PALD1: variants seen among roughly 807,000 people sequenced by gnomAD.
PALD1 encodes the protein paladin.
PALD1 carries 57 observed loss-of-function variants against 96.0 expected under a neutral mutation model. That is an observed-to-expected ratio of 0.59 (90% CI 0.48 to 0.74). The LOEUF (loss-of-function observed/expected upper bound fraction) is 0.74, where lower values mean the gene tolerates loss of function less well. Ranked by LOEUF, PALD1 falls within the 30% of genes least tolerant of loss-of-function variation. The pLI, the probability that PALD1 is intolerant of heterozygous loss-of-function variation, is 0.00. For synonymous variants in PALD1, 464 were observed against 473.6 expected, an observed-to-expected ratio of 0.98 and a Z score of 0.26; for missense variants, 1,063 against 1,143.7, an observed-to-expected ratio of 0.93 and a Z score of 1.02.
chr10:70,534,968 G>A, intron 10 of PALD1, 125 bp downstream of exon 10: 3 of 693,390 alleles, frequency 4.3e-6, no homozygotes, highest in Non-Finnish European at 7.8e-6. Flanking sequence ...CCCATGAGAA[G>A]AGCAGTTTTC....
chr10:70,467,358 G>A, the PALD1 span, among the ~76,000 whole-genome samples: 1 of 151,566 alleles, frequency 6.6e-6, no homozygotes, highest in Non-Finnish European at 1.5e-5. Flanking sequence ...AATATTTGAG[G>A]GGCAGTCCCC....
chr10:70,484,631 C>T (rs559395461), intron 1 of PALD1, among the ~76,000 whole-genome samples: 3 of 152,044 alleles, frequency 2.0e-5, no homozygotes, highest in Non-Finnish European at 2.9e-5. Context: ...CTCCGCCTCC[C>T]GGGTTCAAGC....
At chr10:70,490,511 T>A (rs1411725599) in intron 1 of PALD1, among the ~76,000 whole-genome samples, 1 of 152,224 alleles carries the variant, frequency 6.6e-6, no homozygotes, top group African/African-American at 2.4e-5. Flanking sequence ...TTATTCTTAC[T>A]GTAATATAAC....
At chr10:70,493,110 C>T (rs1458982114) in intron 1 of PALD1, among the ~76,000 whole-genome samples, 1 of 152,200 alleles carries the variant, frequency 6.6e-6, no homozygotes, top group Non-Finnish European at 1.5e-5. Context: ...CCGGCCCTTT[C>T]CAGCTGCCGC....
At chr10:70,493,547 T>G (rs1846133984) in intron 1 of PALD1, among the ~76,000 whole-genome samples, 1 of 152,216 alleles carries the variant, frequency 6.6e-6, no homozygotes, top group African/African-American at 2.4e-5. Context: ...CTTCTAAGAT[T>G]GCAGCTGAGG....
chr10:70,480,576 A>T (rs1161370061), intron 1 of PALD1, among the ~76,000 whole-genome samples: 3 of 152,136 alleles, frequency 2.0e-5, no homozygotes, highest in African/African-American at 7.2e-5. Context: ...GCTCTGCTGT[A>T]TCTGGGGCCC....
At chr10:70,503,278 G>A (rs1238343523) in intron 1 of PALD1, among the ~76,000 whole-genome samples, 2 of 152,072 alleles carry the variant, frequency 1.3e-5, no homozygotes. Context: ...GTTATTTTTG[G>A]TCTGTTTTAC....
At chr10:70,516,194 G>A (rs919651719) in intron 1 of PALD1, among the ~76,000 whole-genome samples, 13 of 152,076 alleles carry the variant, frequency 8.5e-5, no homozygotes, top group African/African-American at 2.2e-4. Flanking sequence ...GCAGTGGTGC[G>A]ATCTCAGCTC....
Position 70,530,087 on chromosome 10 carries a change from A to G in PALD1, c.468+19A>G, listed in dbSNP as rs767112389. The stretch of plus-strand genomic sequence containing the variant: ...ACATAGGGTAAGTATGCCACTTCCC[A>G]GGCAGAAGCCAGGTCCCCAAAGCCA... On this transcript the variant is annotated intron_variant, in intron 4 of 19. Transcript: ENST00000263563. 2 of 1,490,302 alleles carry G rather than the reference A, an allele frequency of 1.3e-6. No individual in the cohort carries two copies. The highest frequency in any genetic ancestry group is 1.8e-6 in the Non-Finnish European group (2 of 1,120,986). The allele number at this position is 1,490,302 out of a possible 1,614,324, so 92.3% of individuals were successfully genotyped here.
chr10:70,529,488 A>G (rs4746052), intron 3 of PALD1, among the ~76,000 whole-genome samples, 157 bp downstream of exon 3: 133,760 of 151,702 alleles, frequency 0.88, 59,499 homozygotes, highest in East Asian at 1. Flanking sequence ...TAGCACCGTG[A>G]TCCTCTGGTT....
At chr10:70,534,672 C>T (rs1053065399) in intron 9 of PALD1, 67 bp from the exon 10 acceptor site, 24 of 1,248,082 alleles carry the variant, frequency 1.9e-5, no homozygotes, top group African/African-American at 1.2e-4. Flanking sequence ...TTTCTCCTGC[C>T]GTTCTGCCTT....
At chr10:70,547,598 G>T (rs1847396158) in intron 18 of PALD1, 152 bp downstream of exon 18, 2 of 602,486 alleles carry the variant, frequency 3.3e-6, no homozygotes, top group Non-Finnish European at 2.9e-6. Flanking sequence ...GGAAGTGGAA[G>T]TGATCCATGA....
At chr10:70,495,322 T>C (rs2132279191) in intron 1 of PALD1, among the ~76,000 whole-genome samples, 1 of 152,324 alleles carries the variant, frequency 6.6e-6, no homozygotes, top group Middle Eastern at 3.4e-3. Flanking sequence ...TCGTGTTCCC[T>C]GGTGGACTCC....
At chr10:70,556,304 CTCTG>C (rs1029820326) in intron 18 of PALD1, among the ~76,000 whole-genome samples, 1 of 150,276 alleles carries the variant, frequency 6.7e-6, no homozygotes, top group Non-Finnish European at 1.5e-5. Flanking sequence ...CTCTCTCTCT[CTCTG>C]TCTCTGTCTC....
chr10:70,539,352 T>C lies in PALD1; in HGVS notation c.1725+105T>C. On this transcript the variant is annotated intron_variant, in intron 14 of 19. Transcript: ENST00000263563. The surrounding 1 kb of genome is among the most constrained non-coding windows in gnomAD (Gnocchi z 4.5). ...CACTCCCGCAGACAGATGGAGAATC[T>C]GAGGCCCCGGGAGGAGCAGTGTCAG... 8.0e-7 allele frequency: 1 copy of C among 1,255,084 alleles called. No individual in the cohort carries two copies. The highest frequency in any genetic ancestry group is 1.5e-5 in the South Asian group (1 of 67,736). 77.7% of individuals were successfully genotyped at this position (1,255,084 alleles called of 1,614,324 possible). A position where few individuals can be genotyped will look rare whatever the true frequency, so the allele number is the denominator to read the frequency against.
At chr10:70,537,420 G>C (rs903981890) in intron 10 of PALD1, among the ~76,000 whole-genome samples, 2 of 152,228 alleles carry the variant, frequency 1.3e-5, no homozygotes, top group Non-Finnish European at 2.9e-5. Context: ...CAGTTCTTAA[G>C]GGAGGGCCTC....
At chr10:70,550,088 T>G (rs1187971131) in intron 18 of PALD1, among the ~76,000 whole-genome samples, 1 of 152,206 alleles carries the variant, frequency 6.6e-6, no homozygotes, top group Non-Finnish European at 1.5e-5. Flanking sequence ...TTAGAGGCAC[T>G]GAAGAGCAGA....
At chr10:70,463,646 G>T in the PALD1 span, among the ~76,000 whole-genome samples, 1 of 152,048 alleles carries the variant, frequency 6.6e-6, no homozygotes, top group Non-Finnish European at 1.5e-5. Flanking sequence ...CTAGTGGAGG[G>T]AGACAGACAA....
chr10:70,536,019 C>G (rs1486273345), intron 10 of PALD1, among the ~76,000 whole-genome samples: 1 of 152,196 alleles, frequency 6.6e-6, no homozygotes, highest in Non-Finnish European at 1.5e-5. Context: ...CCTGTAATCC[C>G]AGCACTTTGG....
Sources: allele counts gnomAD v4.1 joint callset (sites outside exome capture counted in the v4.1 genomes callset), GRCh38; gene constraint gnomAD v4.1.1; non-coding constraint Gnocchi (gnomAD v3.1); transcripts MANE v1.5; gene names NCBI Gene and HGNC (gene_info 2026-07-23, HGNC 2026-07-21).